The following RP1 variants were observed in gnomAD, a reference collection of about 807,000 sequenced individuals.
RP1 encodes oxygen-regulated protein 1.
RP1 carries 16 observed loss-of-function variants against 14.8 expected under a neutral mutation model. The observed-to-expected ratio is 1.08, with a 90% CI of 0.73 to 1.65. The LOEUF is 1.65. Ranked by LOEUF, RP1 falls within the 40% of genes most tolerant of loss-of-function variation. The pLI, the probability that RP1 is intolerant of heterozygous loss-of-function variation, is 0.00. For synonymous variants in RP1, 876 were observed against 883.6 expected (o/e 0.99, Z 0.15); for missense variants, 2,631 against 2,535.0 (o/e 1.04, Z -0.81).
chr8:54,850,094 T>A (rs916922758), intron 25 of RP1, among the ~76,000 whole-genome samples: 1 of 152,088 alleles, frequency 6.6e-6, no homozygotes, highest in Non-Finnish European at 1.5e-5. Flanking sequence ...AAAAAGAAAT[T>A]TTAAAAATTT....
intron 16 of RP1, among the ~76,000 whole-genome samples, chr8:54,725,198 ACT>A (rs1489082309): frequency 1.3e-5 from 2 of 152,140 alleles, no homozygotes; most frequent in East Asian, 3.9e-4. Context: ...TGGTAAATGA[ACT>A]CTTAGTTATA....
intron 23 of RP1, among the ~76,000 whole-genome samples, chr8:54,779,569 T>C (rs1006907907): frequency 6.6e-6 from 1 of 152,174 alleles, no homozygotes; most frequent in Admixed American, 6.5e-5. Flanking sequence ...TGTAACAGAA[T>C]ACACAGAATA....
At position 54,630,180 on chromosome 8, in the gene RP1, C is replaced by T. The variant is rs763216053; in HGVS notation, c.6298C>T (p.Leu2100Phe). The T allele has an allele frequency of 4.3e-6, 7 of 1,613,674 alleles. No homozygotes were observed. The highest frequency in any genetic ancestry group is 1.7e-5 in the Admixed American group (1 of 60,018). The change falls in exon 4 of 4, where the codon CTT (leucine) becomes TTT (phenylalanine). Residue 2100 changes from leucine (L) to phenylalanine (F), a missense_variant. Transcript: ENST00000220676. Reference sequence around the variant, plus strand: ...CAACTGTCATTACTTCTTTGAAATGCTTGGTCAAGCTTGCCTCTTAGATAT... The same window carrying T: ...CAACTGTCATTACTTCTTTGAAATGTTTGGTCAAGCTTGCCTCTTAGATAT... ...NINCHYFFEM[L>F]GQACLLDICQ...
chr8:54,701,874 C>T (rs1433467413), intron 14 of RP1, among the ~76,000 whole-genome samples: 1 of 151,992 alleles, frequency 6.6e-6, no homozygotes, highest in African/African-American at 2.4e-5. Context: ...GGATTAATAT[C>T]CTGTATGTAA....
intron 28 of RP1, among the ~76,000 whole-genome samples, chr8:54,867,391 T>C (rs1812482308): frequency 6.6e-6 from 1 of 152,176 alleles, no homozygotes; most frequent in African/African-American, 2.4e-5. Context: ...GAAGAGACCT[T>C]GTATTTTTAT....
chr8:54,808,297 C>T (rs538951725), intron 24 of RP1, among the ~76,000 whole-genome samples: 1 of 152,150 alleles, frequency 6.6e-6, no homozygotes, highest in Non-Finnish European at 1.5e-5. Context: ...CTGACTTCCC[C>T]GCGGCTCTGC....
chr8:54,624,539 T>C (rs1585561176), intron 3 of RP1, 131 bp from the exon 4 acceptor site: 1 of 812,278 alleles, frequency 1.2e-6, no homozygotes, highest in Non-Finnish European at 2.0e-6. Flanking sequence ...GAAAATATGC[T>C]ACTTTTCATA....
chr8:54,791,710 A>G (rs2129384751), intron 24 of RP1, among the ~76,000 whole-genome samples: 1 of 152,250 alleles, frequency 6.6e-6, no homozygotes, highest in South Asian at 2.1e-4. Context: ...ATAAACCTGC[A>G]GTAGATACAC....
intron 20 of RP1, among the ~76,000 whole-genome samples, chr8:54,755,153 C>T (rs1390776327): frequency 6.6e-6 from 1 of 152,154 alleles, no homozygotes; most frequent in African/African-American, 2.4e-5. Flanking sequence ...CAGCTACAGT[C>T]ACAAAGGCTG....
chr8:54,814,318 G>A (rs1811083032), intron 24 of RP1, among the ~76,000 whole-genome samples: 1 of 152,144 alleles, frequency 6.6e-6, no homozygotes, highest in Non-Finnish European at 1.5e-5. Flanking sequence ...GAGCCTTAAA[G>A]TGGATATCTG....
intron 26 of RP1, among the ~76,000 whole-genome samples, chr8:54,855,870 T>C (rs1812182312): frequency 6.6e-6 from 1 of 151,996 alleles, no homozygotes; most frequent in Non-Finnish European, 1.5e-5. Context: ...CACTTTGAAC[T>C]CTCGTATGCT....
At chr8:54,705,629 G>A (rs970159882) in intron 14 of RP1, among the ~76,000 whole-genome samples, 4 of 152,156 alleles carry the variant, frequency 2.6e-5, no homozygotes, top group African/African-American at 9.7e-5. Context: ...GACACTCCAA[G>A]GGTAAAGAGA....
chr8:54,587,366 T>C (rs947661021), intron 1 of RP1, among the ~76,000 whole-genome samples: 1 of 148,398 alleles, frequency 6.7e-6, no homozygotes, highest in South Asian at 2.1e-4. Flanking sequence ...ATGGAGGTTG[T>C]AGTGAGCCGA....
intron 24 of RP1, among the ~76,000 whole-genome samples, chr8:54,831,908 T>C (rs1811539149): frequency 6.6e-6 from 1 of 151,882 alleles, no homozygotes; most frequent in African/African-American, 2.4e-5. Flanking sequence ...TTTTAAAGAA[T>C]ATTTTTTGCT....
chr8:54,782,745 T>G (rs1055655337), intron 23 of RP1, among the ~76,000 whole-genome samples: 7 of 152,124 alleles, frequency 4.6e-5, no homozygotes, highest in African/African-American at 1.7e-4. Flanking sequence ...AATAATAAAA[T>G]GAAGACTTAT....
At chr8:54,619,812 G>T (rs529837941) in intron 1 of RP1, among the ~76,000 whole-genome samples, 1 of 152,174 alleles carries the variant, frequency 6.6e-6, no homozygotes, top group African/African-American at 2.4e-5. Flanking sequence ...TCTAATAAGC[G>T]GTGGAAACAT....
chr8:54,608,024 C>A (rs1032758120), intron 1 of RP1, among the ~76,000 whole-genome samples: 1 of 152,040 alleles, frequency 6.6e-6, no homozygotes, highest in Admixed American at 6.5e-5. Context: ...TGCTTCGGCT[C>A]ATGCTTGATG....
At chr8:54,858,703 G>T (rs1812264378) in intron 27 of RP1, among the ~76,000 whole-genome samples, 1 of 151,956 alleles carries the variant, frequency 6.6e-6, no homozygotes, top group African/African-American at 2.4e-5. Context: ...TTTCTGTAAG[G>T]TGGTGTCACT....
rs114559995 is a variant in RP1, at chr8:54,658,611, A to C, written c.1171+2396A>C. On this transcript the variant is annotated intron_variant, in intron 6 of 22. Coordinates refer to the RP1 transcript ENST00000636932. ...CTATCATATGTATATACCACAATTT[A>C]TTTATCCATTCATCTGACAGTGGAC... Among the ~76,000 whole-genome samples the C allele has an allele frequency of 6.3e-3, 953 of 150,232 alleles. 19 individuals are homozygous for C. The highest frequency in any genetic ancestry group is 0.022 in the African/African-American group (902 of 40,902).
Sources: gnomAD v4.1 joint callset for allele counts (sites outside exome capture counted in the v4.1 genomes callset) on GRCh38, gnomAD v4.1.1 for gene constraint, MANE v1.5 for transcripts, NCBI Gene and HGNC (gene_info 2026-07-23, HGNC 2026-07-21) for gene names.